EBF1: variants seen among roughly 807,000 people sequenced by gnomAD.
EBF1 encodes the protein transcription factor COE1.
EBF1 carries 10 observed loss-of-function variants against 68.4 expected under a neutral mutation model. The ratio of observed to expected loss-of-function variants is 0.15; its 90% CI spans 0.09 to 0.25. The LOEUF is 0.25. EBF1 is among the 10% of genes least tolerant of loss of function. The probability of loss-of-function intolerance (pLI) is 1.00; values close to 1 mark genes in which losing one functional copy is unlikely to be tolerated. For missense variants in EBF1, 509 were observed against 794.4 expected (o/e 0.64, Z 4.32); for synonymous variants, 298 against 299.8 (o/e 0.99, Z 0.06).
chr5:158,954,625 T>C (rs1816686258), intron 6 of EBF1, among the ~76,000 whole-genome samples: 1 of 152,224 alleles, frequency 6.6e-6, no homozygotes, highest in African/African-American at 2.4e-5. Context: ...TCCAGGAACC[T>C]TAACCTTTCT....
chr5:158,941,834 G>C (rs1225733046), intron 6 of EBF1, among the ~76,000 whole-genome samples: 2 of 152,148 alleles, frequency 1.3e-5, no homozygotes, highest in Non-Finnish European at 2.9e-5. Flanking sequence ...ACTGTATCCA[G>C]AACTGTGGTA....
chr5:158,779,712 T>C (rs1181209070), intron 9 of EBF1, among the ~76,000 whole-genome samples: 3 of 152,148 alleles, frequency 2.0e-5, no homozygotes, highest in Non-Finnish European at 4.4e-5. Flanking sequence ...AAGATATTAG[T>C]AAATAGATGG....
intron 6 of EBF1, among the ~76,000 whole-genome samples, chr5:158,978,436 T>G (rs1378900845): frequency 6.6e-6 from 1 of 152,230 alleles, no homozygotes; most frequent in Non-Finnish European, 1.5e-5. Context: ...GGATCTGCTT[T>G]ACACTTCATT....
intron 6 of EBF1, among the ~76,000 whole-genome samples, chr5:158,988,025 T>A (rs1455346951): frequency 6.6e-6 from 1 of 152,184 alleles, no homozygotes; most frequent in African/African-American, 2.4e-5. Flanking sequence ...GAAGCACCGT[T>A]TATAACACAG....
At position 159,040,598 on chromosome 5, in the gene EBF1, A is replaced by G. The variant is rs140759253; in HGVS notation, c.554+32798T>C. 3.4e-3 allele frequency among the ~76,000 whole-genome samples: 516 copies of G among 152,362 alleles called. 4 individuals carry two copies. The highest frequency in any genetic ancestry group is 0.012 in the African/African-American group (494 of 41,588). On this transcript the variant is annotated intron_variant, in intron 6 of 15. Coordinates refer to ENST00000313708, the MANE Select transcript of EBF1 (RefSeq NM_024007.5). The stretch of plus-strand genomic sequence containing the variant: ...CATCCTTGGAGAAATACAGAGAACA[A>G]GAATGGAGAAAAGAAAACAAAGATT...
intron 8 of EBF1, among the ~76,000 whole-genome samples, chr5:158,814,860 C>T (rs115930918): frequency 0.018 from 2,812 of 152,198 alleles, 93 homozygotes; most frequent in African/African-American, 0.064. Context: ...TAAAATTCAA[C>T]TAGCAGAATG....
At chr5:159,077,744 G>GC (rs1779033974) in intron 5 of EBF1, among the ~76,000 whole-genome samples, 2 of 117,118 alleles carry the variant, frequency 1.7e-5, no homozygotes, top group African/African-American at 3.2e-5. Context: ...GCAGTGGTTT[G>GC]CTTTTTTTTT....
chr5:158,894,455 A>AT (rs1371524995), intron 6 of EBF1, among the ~76,000 whole-genome samples: 1 of 152,108 alleles, frequency 6.6e-6, no homozygotes, highest in African/African-American at 2.4e-5. Flanking sequence ...TTTCAGGTTT[A>AT]TTTTTCTCCC....
intron 8 of EBF1, among the ~76,000 whole-genome samples, chr5:158,819,384 A>T (rs958895012): frequency 2.6e-5 from 4 of 152,234 alleles, no homozygotes; most frequent in African/African-American, 9.6e-5. Context: ...ATAAAGTGTT[A>T]GCGCATGCAA....
At chr5:158,942,884 A>G (rs1014838959) in intron 6 of EBF1, among the ~76,000 whole-genome samples, 3 of 63,100 alleles carry the variant, frequency 4.8e-5, no homozygotes, top group African/African-American at 1.5e-4. Context: ...AGGGGAGAGG[A>G]GAGAAAGAGA....
intron 6 of EBF1, among the ~76,000 whole-genome samples, chr5:159,041,966 T>C (rs1158521029): frequency 1.3e-5 from 2 of 152,148 alleles, no homozygotes; most frequent in Non-Finnish European, 2.9e-5. Context: ...TACTGATCTA[T>C]CCAAAAGAGA....
At chr5:159,024,838 A>T (rs1767396730) in intron 6 of EBF1, among the ~76,000 whole-genome samples, 1 of 152,252 alleles carries the variant, frequency 6.6e-6, no homozygotes, top group Non-Finnish European at 1.5e-5. Context: ...GACAAGAAAC[A>T]ATAAAAGTGA....
intron 11 of EBF1, among the ~76,000 whole-genome samples, chr5:158,728,706 T>C (rs571994089): frequency 1.3e-3 from 193 of 152,276 alleles, no homozygotes; most frequent in African/African-American, 4.4e-3. Flanking sequence ...TTGGACTACG[T>C]GCACACACCA....
chr5:158,895,608 A>C (rs1278974110), intron 6 of EBF1, among the ~76,000 whole-genome samples: 1 of 152,156 alleles, frequency 6.6e-6, no homozygotes, highest in Non-Finnish European at 1.5e-5. Flanking sequence ...ACTAAAGACA[A>C]TGCTATCATT....
At chr5:158,779,583 C>T (rs1480476558) in intron 9 of EBF1, among the ~76,000 whole-genome samples, 1 of 152,112 alleles carries the variant, frequency 6.6e-6, no homozygotes, top group Non-Finnish European at 1.5e-5. Context: ...AATTTTAACA[C>T]GTACTTGGGA....
intron 6 of EBF1, among the ~76,000 whole-genome samples, chr5:158,864,376 G>T (rs925001427): frequency 6.6e-6 from 1 of 152,108 alleles, no homozygotes; most frequent in Admixed American, 6.6e-5. Context: ...AGCCAAAGGG[G>T]CAAGGGAAAC....
chr5:158,791,130 C>T (rs1778510472), intron 9 of EBF1, among the ~76,000 whole-genome samples: 1 of 151,852 alleles, frequency 6.6e-6, no homozygotes, highest in South Asian at 2.1e-4. Context: ...ACCAGCCTGG[C>T]CAACACGGCA....
chr5:158,899,333 C>T (rs190293581), intron 6 of EBF1, among the ~76,000 whole-genome samples: 1 of 152,340 alleles, frequency 6.6e-6, no homozygotes, highest in East Asian at 1.9e-4. Context: ...GATAATCCTA[C>T]TATGTTTACA....
At chr5:158,957,175 C>T (rs1283138338) in intron 6 of EBF1, among the ~76,000 whole-genome samples, 2 of 152,152 alleles carry the variant, frequency 1.3e-5, no homozygotes, top group Non-Finnish European at 1.5e-5. Context: ...ATTATTATCC[C>T]CATTTTACAG....
Sources: allele counts gnomAD v4.1 joint callset (sites outside exome capture counted in the v4.1 genomes callset), GRCh38; gene constraint gnomAD v4.1.1; transcripts MANE v1.5; gene names NCBI Gene and HGNC (gene_info 2026-07-23, HGNC 2026-07-21).